TMTC2: variants seen among roughly 807,000 people sequenced by gnomAD.
The protein encoded by TMTC2 is protein O-mannosyl-transferase TMTC2.
In TMTC2, 43 loss-of-function variants were observed where a neutral mutation model predicts 82.4. The observed-to-expected ratio is 0.52, with a 90% CI of 0.41 to 0.67. TMTC2 has a LOEUF of 0.67. Ranked by LOEUF, TMTC2 falls within the 30% of genes least tolerant of loss-of-function variation. The pLI is 0.00. For synonymous variants in TMTC2, 408 were observed against 381.9 expected, an observed-to-expected ratio of 1.07 and a Z score of -0.80; for missense variants, 919 against 1,012.4, an observed-to-expected ratio of 0.91 and a Z score of 1.25.
intron 11 of TMTC2, among the ~76,000 whole-genome samples, chr12:83,101,129 G>A (rs1884202341): frequency 6.6e-6 from 1 of 152,188 alleles, no homozygotes; most frequent in Non-Finnish European, 1.5e-5. Flanking sequence ...ATGATTGCTT[G>A]TGACATTATT....
At chr12:82,951,301 T>A (rs1443288847) in intron 4 of TMTC2, among the ~76,000 whole-genome samples, 2 of 151,132 alleles carry the variant, frequency 1.3e-5, no homozygotes, top group Non-Finnish European at 3.0e-5. Context: ...GAATTTAACT[T>A]TTTTTTTTGA....
chr12:83,109,337 A>G (rs1481316606), intron 11 of TMTC2, among the ~76,000 whole-genome samples: 4 of 152,148 alleles, frequency 2.6e-5, no homozygotes, highest in South Asian at 2.1e-4. Flanking sequence ...ACAGAGTACC[A>G]TGGAGAAAAT....
In TMTC2 at chr12:82,826,975, C is replaced by T. The variant is rs1869455270; in HGVS notation, c.84-30035C>T. Among the ~76,000 whole-genome samples, 3 of 152,112 alleles carry T rather than the reference C, an allele frequency of 2.0e-5. No individual in the cohort carries two copies. In the South Asian group the frequency reaches 6.2e-4, roughly 32 times the overall value. On this transcript the variant is annotated intron_variant, in intron 1 of 11. Coordinates refer to ENST00000321196, the MANE Select transcript of TMTC2 (RefSeq NM_152588.3). ...AAGCTTGAGTACATTTTAGAGAGCT[C>T]TGATGCTCTTATTTTACTGATTGGA...
At chr12:82,976,285 A>G (rs1012916195) in intron 7 of TMTC2, among the ~76,000 whole-genome samples, 1 of 152,116 alleles carries the variant, frequency 6.6e-6, no homozygotes, top group African/African-American at 2.4e-5. Context: ...CTTTTTTTCA[A>G]GTTGAAGTTT....
intron 1 of TMTC2, among the ~76,000 whole-genome samples, chr12:82,717,175 ATGTATTATC>A (rs1365356128): frequency 6.6e-6 from 1 of 151,354 alleles, no homozygotes; most frequent in African/African-American, 2.4e-5. Flanking sequence ...CCCAAGACAA[ATGTATTATC>A]TGTTTGCTGA....
chr12:83,055,372 A>G (rs1882499896), intron 10 of TMTC2, among the ~76,000 whole-genome samples: 1 of 152,010 alleles, frequency 6.6e-6, no homozygotes, highest in African/African-American at 2.4e-5. Flanking sequence ...AATGTTGACA[A>G]TACATGGTGA....
intron 8 of TMTC2, among the ~76,000 whole-genome samples, chr12:82,997,447 TATA>T (rs1466342378): frequency 7.6e-6 from 1 of 132,220 alleles, no homozygotes; most frequent in African/African-American, 2.8e-5. Flanking sequence ...GAGAGAGAAC[TATA>T]ATATTTTTAT....
intron 8 of TMTC2, among the ~76,000 whole-genome samples, chr12:82,999,468 T>A (rs949383727): frequency 3.3e-5 from 5 of 152,206 alleles, no homozygotes; most frequent in Admixed American, 6.5e-5. Context: ...TGTATTCCGT[T>A]TTCACGCTGC....
Position 82,845,252 on chromosome 12 carries a change from A to AAAAAT in TMTC2, c.84-11757_84-11756insAAATA, listed in dbSNP as rs1555190264. Among the ~76,000 whole-genome samples, 62 of 38,736 alleles carry AAAAAT rather than the reference A, an allele frequency of 1.6e-3. 2 individuals carry two copies. Among genetic ancestry groups the AAAAAT allele is most frequent in the African/African-American group, 2.6e-3 (25 of 9,780 alleles). 25.4% of individuals were successfully genotyped at this position (38,736 alleles called of 152,430 possible). A position where few individuals can be genotyped will look rare whatever the true frequency, so the allele number is the denominator to read the frequency against. On this transcript the variant is annotated intron_variant, in intron 1 of 11. Coordinates refer to ENST00000321196, the MANE Select transcript of TMTC2 (RefSeq NM_152588.3). ...AAAAAAAAAAAAAAAAAAAAAAAAA[A>AAAAAT]ATATATATATATATATATATATTGA...
intron 11 of TMTC2, among the ~76,000 whole-genome samples, chr12:83,095,423 T>G (rs1057219694): frequency 4.0e-5 from 6 of 151,838 alleles, no homozygotes; most frequent in African/African-American, 1.5e-4. Flanking sequence ...TGTATTTTTA[T>G]TAGAGATGGT....
At chr12:82,703,776 C>T (rs1201071456) in intron 1 of TMTC2, among the ~76,000 whole-genome samples, 5 of 152,106 alleles carry the variant, frequency 3.3e-5, no homozygotes, top group Non-Finnish European at 5.9e-5. Context: ...CGTGAGCCAC[C>T]GTGCCCGGCC....
chr12:82,715,139 C>T (rs372956372), intron 1 of TMTC2, among the ~76,000 whole-genome samples: 2 of 151,834 alleles, frequency 1.3e-5, no homozygotes, highest in Non-Finnish European at 2.9e-5. Context: ...GGCATGGTGG[C>T]GGGTGCCTGT....
At chr12:82,732,009 A>G (rs1332968627) in intron 1 of TMTC2, among the ~76,000 whole-genome samples, 1 of 152,204 alleles carries the variant, frequency 6.6e-6, no homozygotes, top group Non-Finnish European at 1.5e-5. Context: ...TGATGCTTAG[A>G]CAAGGGTTGG....
intron 2 of TMTC2, among the ~76,000 whole-genome samples, chr12:82,881,880 C>A (rs1273813504): frequency 6.6e-6 from 1 of 152,080 alleles, no homozygotes; most frequent in Non-Finnish European, 1.5e-5. Flanking sequence ...AAGATATTAA[C>A]CATCAGAGTA....
At chr12:82,791,824 A>C (rs1592525277) in intron 1 of TMTC2, among the ~76,000 whole-genome samples, 1 of 152,268 alleles carries the variant, frequency 6.6e-6, no homozygotes, top group East Asian at 1.9e-4. Context: ...TGTAGGTAGC[A>C]AGACAAAGCC....
chr12:82,853,281 T>G (rs1178678197), intron 1 of TMTC2, among the ~76,000 whole-genome samples: 1 of 152,086 alleles, frequency 6.6e-6, no homozygotes, highest in Non-Finnish European at 1.5e-5. Flanking sequence ...TTTTGTATTT[T>G]TAGTAGAGAT....
intron 1 of TMTC2, among the ~76,000 whole-genome samples, chr12:82,727,844 CAAAAAAAAAAAA>C (rs58681807): frequency 8.1e-5 from 12 of 148,170 alleles, no homozygotes; most frequent in African/African-American, 1.5e-4. Flanking sequence ...TAAGAAAGGC[CAAAAAAAAAAAA>C]AAAAAAAAAG....
intron 2 of TMTC2, among the ~76,000 whole-genome samples, chr12:82,881,426 G>C (rs1053473045): frequency 6.6e-6 from 1 of 152,132 alleles, no homozygotes; most frequent in Non-Finnish European, 1.5e-5. Flanking sequence ...CACATTAAAA[G>C]AGGGAAAGAA....
rs115828023 is a variant in TMTC2, at chr12:82,693,144, G to A, written c.83+5475G>A. ...TACTGTAAAGGGTTTGAATCTGAGA[G>A]TCTAATGATAGATCTATACAAATGC... On this transcript the variant is annotated intron_variant, in intron 1 of 11. Coordinates refer to ENST00000321196, the MANE Select transcript of TMTC2 (RefSeq NM_152588.3). 2.4e-3 allele frequency among the ~76,000 whole-genome samples: 359 copies of A among 152,316 alleles called. 2 individuals are homozygous for A. The highest frequency in any genetic ancestry group is 8.3e-3 in the African/African-American group (343 of 41,568).
Sources: gnomAD v4.1 joint callset for allele counts (sites outside exome capture counted in the v4.1 genomes callset) on GRCh38, gnomAD v4.1.1 for gene constraint, MANE v1.5 for transcripts, NCBI Gene and HGNC (gene_info 2026-07-23, HGNC 2026-07-21) for gene names.